SYT9: variants seen among roughly 807,000 people sequenced by gnomAD.
SYT9 encodes synaptotagmin-9.
Under a neutral mutation model 48.4 loss-of-function variants are expected in SYT9, and 22 were observed. The observed-to-expected ratio is 0.45, with a 90% CI of 0.32 to 0.65. SYT9 has a LOEUF of 0.65. Ranked by LOEUF, SYT9 falls within the 30% of genes least tolerant of loss-of-function variation. The pLI is 0.03. For synonymous variants in SYT9, 265 were observed against 245.0 expected, an observed-to-expected ratio of 1.08 and a Z score of -0.76; for missense variants, 577 against 622.0, an observed-to-expected ratio of 0.93 and a Z score of 0.77.
chr11:7,421,747 G>T (rs1036764676), intron 6 of SYT9, among the ~76,000 whole-genome samples: 1 of 152,160 alleles, frequency 6.6e-6, no homozygotes, highest in African/African-American at 2.4e-5. Flanking sequence ...AATAGCTACA[G>T]AAAATACAGA....
intron 3 of SYT9, among the ~76,000 whole-genome samples, chr11:7,373,512 C>T (rs907959075): frequency 1.5e-4 from 23 of 152,096 alleles, no homozygotes; most frequent in Admixed American, 1.4e-3. Flanking sequence ...CCCCTGCTGC[C>T]AAGCATAGGC....
intron 1 of SYT9, among the ~76,000 whole-genome samples, chr11:7,241,823 T>C (rs1465069708): frequency 1.3e-5 from 2 of 152,236 alleles, no homozygotes; most frequent in Non-Finnish European, 2.9e-5. Context: ...ATATCAAATT[T>C]GAAAAATCCT....
chr11:7,282,961 A>G (rs1848529356), intron 1 of SYT9, among the ~76,000 whole-genome samples: 1 of 150,518 alleles, frequency 6.6e-6, no homozygotes, highest in South Asian at 2.1e-4. Flanking sequence ...AAGGAGAGAG[A>G]GAAACAGAGA....
intron 6 of SYT9, chr11:7,461,284 T>C (rs1182536123): frequency 6.6e-6 from 1 of 152,162 alleles, no homozygotes; most frequent in Non-Finnish European, 1.5e-5. Flanking sequence ...TTTTATTCTG[T>C]GTTCCTTCTC....
intron 3 of SYT9, among the ~76,000 whole-genome samples, chr11:7,335,628 C>T (rs1849618802): frequency 6.6e-6 from 1 of 152,108 alleles, no homozygotes; most frequent in East Asian, 1.9e-4. Flanking sequence ...CATTCATGTT[C>T]CTCCAGAGAA....
At chr11:7,463,615 T>C (rs901133520) in intron 6 of SYT9, among the ~76,000 whole-genome samples, 14 of 152,226 alleles carry the variant, frequency 9.2e-5, no homozygotes, top group African/African-American at 3.1e-4. Context: ...TCTTGCAATA[T>C]TGCTGGTAGC....
intron 3 of SYT9, among the ~76,000 whole-genome samples, chr11:7,342,410 G>A (rs941836342): frequency 4.6e-5 from 7 of 152,136 alleles, no homozygotes; most frequent in Non-Finnish European, 1.0e-4. Flanking sequence ...GGAGAAATTG[G>A]CCAAAACAAA....
intron 3 of SYT9, among the ~76,000 whole-genome samples, chr11:7,367,927 A>G (rs1290947060): frequency 6.6e-6 from 1 of 152,236 alleles, no homozygotes; most frequent in Non-Finnish European, 1.5e-5. Context: ...AGCCTTGTAT[A>G]TGATCTCCTT....
chr11:7,370,396 T>C (rs1850340488), intron 3 of SYT9, among the ~76,000 whole-genome samples: 1 of 152,088 alleles, frequency 6.6e-6, no homozygotes, highest in Admixed American at 6.6e-5. Context: ...GAGTATGCAA[T>C]GTATAGGGAT....
intron 3 of SYT9, among the ~76,000 whole-genome samples, chr11:7,397,552 A>G (rs1215974527): frequency 1.3e-5 from 2 of 152,178 alleles, no homozygotes; most frequent in African/African-American, 2.4e-5. Context: ...TTCAACATCT[A>G]TGAAATATAT....
intron 6 of SYT9, chr11:7,437,599 C>T (rs1490871718): frequency 6.6e-6 from 1 of 151,710 alleles, no homozygotes; most frequent in East Asian, 1.9e-4. Flanking sequence ...TCACCAACTG[C>T]CCATATTTTT....
chr11:7,336,539 G>GT (rs1270529394), intron 3 of SYT9, among the ~76,000 whole-genome samples: 2 of 152,136 alleles, frequency 1.3e-5, no homozygotes, highest in African/African-American at 2.4e-5. Context: ...AAGGGGTCTA[G>GT]TTTCGATCAT....
chr11:7,432,582 A>AAAAAAATATAT (rs1847619483), intron 6 of SYT9, among the ~76,000 whole-genome samples: 1 of 3,512 alleles, frequency 2.8e-4, no homozygotes, highest in African/African-American at 9.7e-4. Context: ...AAAAAAAAAA[A>AAAAAAATATAT]ATATATATAC....
chr11:7,414,172 G>A (rs1310231095), intron 3 of SYT9, among the ~76,000 whole-genome samples: 1 of 152,200 alleles, frequency 6.6e-6, no homozygotes, highest in Non-Finnish European at 1.5e-5. Flanking sequence ...CTTACAAAGT[G>A]TGTGCACAGT....
Position 7,252,933 on chromosome 11 carries a change from G to A in SYT9, c.145+602G>A, listed in dbSNP as rs1447787592. Among the ~76,000 whole-genome samples the A allele has an allele frequency of 1.3e-5, 2 of 152,248 alleles. No individual in the cohort carries two copies. Among genetic ancestry groups the A allele is most frequent in the Non-Finnish European group, 2.9e-5 (2 of 68,046 alleles). On this transcript the variant is annotated intron_variant, in intron 1 of 6. Transcript: ENST00000318881. The surrounding 1 kb of genome is among the most constrained non-coding windows in gnomAD (Gnocchi z 6.3). ...TTCCCGGCGGGTCGCACGGCATGGA[G>A]GTGGCCTGGGCCTGGGCGCTAGGCT...
At chr11:7,409,799 G>A (rs1847099573) in intron 3 of SYT9, among the ~76,000 whole-genome samples, 1 of 151,170 alleles carries the variant, frequency 6.6e-6, no homozygotes, top group Non-Finnish European at 1.5e-5. Context: ...TCTTTTTTTT[G>A]AAGAATCAAC....
At chr11:7,293,092 G>A (rs1187286864) in intron 1 of SYT9, among the ~76,000 whole-genome samples, 1 of 152,098 alleles carries the variant, frequency 6.6e-6, no homozygotes, top group African/African-American at 2.4e-5. Context: ...AAGAGGAACT[G>A]GTCACGCTGA....
At position 7,466,950 on chromosome 11, in the gene SYT9, A is replaced by T. The variant is rs577338388; in HGVS notation, c.*150A>T. 3.9e-6 allele frequency: 4 copies of T among 1,020,320 alleles called. No individual in the cohort carries two copies. 63.2% of individuals were successfully genotyped at this position (1,020,320 alleles called of 1,614,324 possible). The stretch of plus-strand genomic sequence containing the variant: ...CACAGCACTAACTGGCCTTCTTTCC[A>T]GATTGGGTTTGGTGAACCTGAATGG... On this transcript the variant is annotated 3_prime_UTR_variant, in exon 7 of 7. Coordinates refer to ENST00000318881, the MANE Select transcript of SYT9 (RefSeq NM_175733.4).
intron 1 of SYT9, among the ~76,000 whole-genome samples, chr11:7,292,928 T>C (rs974399869): frequency 2.6e-5 from 4 of 152,154 alleles, no homozygotes. Context: ...TCCTGAACCT[T>C]CCTGTTAGGC....
Sources: gnomAD v4.1 joint callset for allele counts (sites outside exome capture counted in the v4.1 genomes callset) on GRCh38, gnomAD v4.1.1 for gene constraint, Gnocchi (gnomAD v3.1) non-coding constraint, MANE v1.5 for transcripts, NCBI Gene and HGNC (gene_info 2026-07-23, HGNC 2026-07-21) for gene names.